Variants in HEATR4 observed in about 807,000 individuals in gnomAD.
HEATR4 encodes HEAT repeat containing 4.
A neutral mutation model predicts 108.8 loss-of-function variants in HEATR4; 95 were observed. That is an observed-to-expected ratio of 0.87 (90% CI 0.74 to 1.04). The LOEUF is 1.04. Among genes scored for constraint, HEATR4 ranks in the 50% least tolerant of loss-of-function variants. HEATR4 has a pLI of 0.00. For missense variants in HEATR4, 1,152 were observed against 1,253.8 expected, an observed-to-expected ratio of 0.92 and a Z score of 1.23; for synonymous variants, 443 against 459.4, an observed-to-expected ratio of 0.96 and a Z score of 0.46.
intron 9 of HEATR4, among the ~76,000 whole-genome samples, chr14:73,507,349 C>T (rs535094107): frequency 1.1e-4 from 17 of 152,328 alleles, no homozygotes; most frequent in African/African-American, 4.1e-4. Flanking sequence ...TACACCTCTA[C>T]ACCCAGGTTT....
the HEATR4 span, among the ~76,000 whole-genome samples, chr14:73,617,878 C>T: frequency 6.7e-6 from 1 of 148,930 alleles, no homozygotes; most frequent in Non-Finnish European, 1.5e-5. Context: ...GGTGCGGTGG[C>T]TCACGTCTGT....
chr14:73,606,992 TACA>T, the HEATR4 span, among the ~76,000 whole-genome samples: 1 of 152,152 alleles, frequency 6.6e-6, no homozygotes, highest in Admixed American at 6.5e-5. Flanking sequence ...ATCTTGTGGT[TACA>T]ACGTCAAGCT....
chr14:73,623,866 C>T, the HEATR4 span, among the ~76,000 whole-genome samples: 1 of 152,014 alleles, frequency 6.6e-6, no homozygotes, highest in Non-Finnish European at 1.5e-5. Context: ...GCTTCTCTCT[C>T]GCCATGTGAT....
intron 4 of HEATR4, 52 bp from the exon 5 acceptor site, chr14:73,519,215 T>C (rs775433382): frequency 4.1e-5 from 64 of 1,546,762 alleles, no homozygotes; most frequent in Non-Finnish European, 5.3e-5. Context: ...CTATTTCCTT[T>C]CTCCCTGGGT....
intron 2 of HEATR4, 39 bp from the exon 3 acceptor site, chr14:73,523,263 G>T: frequency 3.6e-6 from 4 of 1,112,822 alleles, no homozygotes; most frequent in Non-Finnish European, 3.7e-6. Context: ...GAACTCTAGA[G>T]CAGCAGAAAT....
chr14:73,558,497 C>T (rs1191727953), intron 1 of HEATR4, among the ~76,000 whole-genome samples: 6 of 127,520 alleles, frequency 4.7e-5, no homozygotes, highest in Middle Eastern at 4.0e-3. Context: ...GCACATAGCA[C>T]ACCACTCTCG....
At position 73,522,853 on chromosome 14, in the gene HEATR4, A is replaced by G. The variant is rs1322837766; in HGVS notation, c.300T>C (p.Asn100=). 3 of 1,614,032 alleles carry G rather than the reference A, an allele frequency of 1.9e-6. No individual in the cohort carries two copies. Among genetic ancestry groups the G allele is most frequent in the Non-Finnish European group, 8.5e-7 (1 of 1,180,032 alleles). The part of the protein sequence containing the change: ...QYSFDHLYNT[N]DIIHTPQIRK... ...TGATCTGGGGAGTATGGATGATGTC[A>G]TTGGTATTGTAGAGGTGGTCAAAGC... is the stretch of plus-strand genomic sequence containing the variant. Residue 100 remains asparagine (N), a synonymous_variant, in exon 3 of 18, where the codon AAT becomes AAC. Transcript: ENST00000553558.
the HEATR4 span, among the ~76,000 whole-genome samples, chr14:73,568,695 G>A: frequency 2.8e-4 from 43 of 152,080 alleles, no homozygotes; most frequent in African/African-American, 9.4e-4. Context: ...TGAGGCGGGC[G>A]GATTACAAAG....
intron 17 of HEATR4, among the ~76,000 whole-genome samples, chr14:73,489,445 T>A (rs553646993): frequency 6.6e-6 from 1 of 152,352 alleles, no homozygotes; most frequent in South Asian, 2.1e-4. Context: ...AGAGGCCATG[T>A]ACTGTAGTCT....
the HEATR4 span, chr14:73,612,542 C>A: frequency 7.9e-7 from 1 of 1,267,198 alleles, no homozygotes; most frequent in Non-Finnish European, 1.0e-6. Flanking sequence ...CTCCGCGGAG[C>A]TGGGTCGCCC....
chr14:73,522,191 C>G lies in HEATR4; in HGVS notation c.881+81G>C, dbSNP rs1295124021. On this transcript the variant is annotated intron_variant, in intron 3 of 17. Transcript: ENST00000553558. ...TTGATGGGAGAGTGCATTCTGAAATCGGGAGTGTGAGTCCACCTGGGAGTC... is the reference window on the plus strand; with the variant it reads ...TTGATGGGAGAGTGCATTCTGAAATGGGGAGTGTGAGTCCACCTGGGAGTC... 5 of 1,412,894 alleles carry G rather than the reference C, an allele frequency of 3.5e-6. No homozygotes were observed. The African/African-American group carries it at 7.1e-5, about 20-fold the overall frequency. The allele number at this position is 1,412,894 out of a possible 1,614,324, so 87.5% of individuals were successfully genotyped here. A position where few individuals can be genotyped will look rare whatever the true frequency, so the allele number is the denominator to read the frequency against.
In HEATR4 at chr14:73,519,017, G is replaced by C. The variant is rs1887807514; in HGVS notation, c.1210+6C>G. ...CCCCTGCCTTCCCTGTTAGCTTCCTGCTTACATGCTTCAGGAATTGCCTGG... is the reference window on the plus strand; with the variant it reads ...CCCCTGCCTTCCCTGTTAGCTTCCTCCTTACATGCTTCAGGAATTGCCTGG... On this transcript the variant is annotated splice_donor_region_variant and intron_variant, in intron 5 of 17. Transcript: ENST00000553558. 3.7e-6 allele frequency: 6 copies of C among 1,610,518 alleles called. No homozygotes were observed. The African/African-American group carries it at 6.7e-5, about 18-fold the overall frequency.
intron 17 of HEATR4, among the ~76,000 whole-genome samples, chr14:73,487,080 A>C (rs1395433727): frequency 7.4e-5 from 11 of 148,528 alleles, no homozygotes; most frequent in East Asian, 4.6e-4. Flanking sequence ...ATCCTGGCTA[A>C]CATGGTGAAA....
intron 4 of HEATR4, chr14:73,520,582 T>G: frequency 2.9e-6 from 1 of 343,284 alleles, no homozygotes; most frequent in Non-Finnish European, 5.3e-6. Context: ...GTTCCCAAAG[T>G]CTTGCCAACT....
At chr14:73,487,752 A>C (rs1448553388) in intron 17 of HEATR4, among the ~76,000 whole-genome samples, 1 of 152,198 alleles carries the variant, frequency 6.6e-6, no homozygotes, top group Non-Finnish European at 1.5e-5. Context: ...AATTCATGTG[A>C]AAGAGTCAAA....
At chr14:73,588,105 G>T in the HEATR4 span, among the ~76,000 whole-genome samples, 1 of 151,590 alleles carries the variant, frequency 6.6e-6, no homozygotes, top group African/African-American at 2.4e-5. Context: ...GGGTTCAAGC[G>T]ATTCTCCTGC....
the HEATR4 span, among the ~76,000 whole-genome samples, chr14:73,627,733 A>G: frequency 6.6e-6 from 1 of 152,078 alleles, no homozygotes; most frequent in Non-Finnish European, 1.5e-5. Flanking sequence ...TGATTAAATC[A>G]TTGCCCATTG....
intron 12 of HEATR4, 77 bp downstream of exon 12, chr14:73,500,473 A>G: frequency 7.0e-7 from 1 of 1,428,734 alleles, no homozygotes; most frequent in Non-Finnish European, 9.6e-7. Flanking sequence ...AATGTTGAGC[A>G]TACTGTGCAC....
chr14:73,565,854 C>T, the HEATR4 span, among the ~76,000 whole-genome samples: 1 of 152,152 alleles, frequency 6.6e-6, no homozygotes, highest in East Asian at 1.9e-4. Context: ...AAAGTTTCCA[C>T]AGTGTGGAAG....
Sources: allele counts gnomAD v4.1 joint callset (sites outside exome capture counted in the v4.1 genomes callset), GRCh38; gene constraint gnomAD v4.1.1; transcripts MANE v1.5; gene names NCBI Gene and HGNC (gene_info 2026-07-23, HGNC 2026-07-21).